Variants in DEUP1 observed in about 807,000 individuals in gnomAD.
The protein encoded by DEUP1 is deuterosome assembly protein 1, also known as coiled-coil domain containing 67.
A neutral mutation model predicts 87.4 loss-of-function variants in DEUP1; 82 were observed. The observed-to-expected ratio is 0.94, with a 90% CI of 0.78 to 1.13. The LOEUF (loss-of-function observed/expected upper bound fraction) is 1.13, where lower values mean the gene tolerates loss of function less well. Among genes scored for constraint, DEUP1 ranks in the 50% most tolerant of loss-of-function variants. The pLI is 0.00. For missense variants in DEUP1, 663 were observed against 681.5 expected (o/e 0.97, Z 0.30); for synonymous variants, 214 against 222.7 (o/e 0.96, Z 0.35).
intron 13 of DEUP1, among the ~76,000 whole-genome samples, chr11:93,416,486 T>G (rs1160737438): frequency 6.6e-6 from 1 of 151,972 alleles, no homozygotes; most frequent in African/African-American, 2.4e-5. Flanking sequence ...CAGGAAGAAG[T>G]TGAATCTCTG....
intron 4 of DEUP1, among the ~76,000 whole-genome samples, chr11:93,363,823 C>A (rs1412209242): frequency 2.0e-5 from 3 of 151,772 alleles, no homozygotes; most frequent in African/African-American, 4.8e-5. Flanking sequence ...CACAAGACGG[C>A]ACTAACTAAA....
At chr11:93,375,926 G>C (rs115661727) in intron 7 of DEUP1, among the ~76,000 whole-genome samples, 7 of 151,938 alleles carry the variant, frequency 4.6e-5, no homozygotes, top group Non-Finnish European at 1.0e-4. Flanking sequence ...GGACTTTTTT[G>C]TTGGCAATTT....
At chr11:93,431,347 C>A (rs1948102052) in intron 13 of DEUP1, among the ~76,000 whole-genome samples, 1 of 151,952 alleles carries the variant, frequency 6.6e-6, no homozygotes, top group Non-Finnish European at 1.5e-5. Flanking sequence ...ACGAGTTTGG[C>A]AGGCATGAGA....
intron 13 of DEUP1, among the ~76,000 whole-genome samples, chr11:93,418,896 G>A (rs1341195148): frequency 3.3e-5 from 5 of 151,392 alleles, no homozygotes; most frequent in African/African-American, 1.2e-4. Context: ...TATGGATGAA[G>A]TTGGAAATCA....
intron 5 of DEUP1, among the ~76,000 whole-genome samples, chr11:93,364,825 A>G (rs553190002): frequency 1.3e-5 from 2 of 152,160 alleles, no homozygotes; most frequent in East Asian, 3.9e-4. Flanking sequence ...ATATATATCT[A>G]CTATGTACCC....
At chr11:93,375,919 C>G (rs1946015227) in intron 7 of DEUP1, among the ~76,000 whole-genome samples, 1 of 152,024 alleles carries the variant, frequency 6.6e-6, no homozygotes, top group African/African-American at 2.4e-5. Flanking sequence ...TGGTCCTGGA[C>G]TTTTTTGTTG....
chr11:93,378,353 T>G (rs1363994398), intron 7 of DEUP1, among the ~76,000 whole-genome samples: 1 of 152,114 alleles, frequency 6.6e-6, no homozygotes, highest in East Asian at 1.9e-4. Context: ...AAGCCTTGTT[T>G]TCAAGCTCTG....
At chr11:93,380,594 G>A (rs1338635991) in intron 7 of DEUP1, among the ~76,000 whole-genome samples, 4 of 151,674 alleles carry the variant, frequency 2.6e-5, no homozygotes, top group Admixed American at 2.0e-4. Context: ...TAGTAGAGAC[G>A]GGGTTTCACC....
At chr11:93,434,460 G>T (rs899397223) in intron 13 of DEUP1, among the ~76,000 whole-genome samples, 16 of 152,174 alleles carry the variant, frequency 1.1e-4, no homozygotes, top group African/African-American at 3.6e-4. Flanking sequence ...GATCATCAGA[G>T]TACCAAACAC....
At chr11:93,388,355 CTTTATT>C (rs1946654913) in intron 8 of DEUP1, among the ~76,000 whole-genome samples, 1 of 152,110 alleles carries the variant, frequency 6.6e-6, no homozygotes, top group Non-Finnish European at 1.5e-5. Context: ...ACCTGGTTAT[CTTTATT>C]TTTGTGTTTT....
intron 2 of DEUP1, among the ~76,000 whole-genome samples, chr11:93,342,064 A>T (rs1046069843): frequency 2.0e-5 from 3 of 152,192 alleles, no homozygotes; most frequent in African/African-American, 4.8e-5. Context: ...TTCTTAACTT[A>T]CGTGAACCTC....
intron 10 of DEUP1, 39 bp downstream of exon 10, chr11:93,394,695 T>C: frequency 1.4e-6 from 2 of 1,455,732 alleles, no homozygotes; most frequent in Non-Finnish European, 1.9e-6. Flanking sequence ...CTAGGGCACA[T>C]TCTTGCTCAG....
intron 7 of DEUP1, among the ~76,000 whole-genome samples, chr11:93,378,881 T>A (rs1412838889): frequency 1.3e-5 from 2 of 152,168 alleles, no homozygotes; most frequent in African/African-American, 4.8e-5. Flanking sequence ...CTCCAGACAC[T>A]GCTATGTCTG....
chr11:93,375,890 A>G (rs1398817134), intron 7 of DEUP1, among the ~76,000 whole-genome samples: 4 of 152,174 alleles, frequency 2.6e-5, no homozygotes, highest in African/African-American at 7.2e-5. Context: ...GTTTGATAGA[A>G]TTTAGCTGTG....
In DEUP1 at chr11:93,416,409, C is replaced by T. The variant is rs568693706; in HGVS notation, c.1638+1295C>T. Among the ~76,000 whole-genome samples the T allele has an allele frequency of 9.2e-5, 14 of 152,292 alleles. No individual in the cohort carries two copies. In the East Asian group the frequency reaches 2.3e-3, roughly 25 times the overall value. ...TCAGAGAATACTACAAACACCTCTA[C>T]GCAAATAAACTAGAAAATCCAGAAA... On this transcript the variant is annotated intron_variant, in intron 13 of 13. Coordinates refer to ENST00000298050, the MANE Select transcript of DEUP1 (RefSeq NM_181645.4).
Position 93,413,582 on chromosome 11 carries a change from A to T in DEUP1, c.1524-1418A>T, listed in dbSNP as rs142221883. ...TTACATCTAAACCTCAGTTTCATGA[A>T]AGATATTTATTTAATCCCAAACAGC... On this transcript the variant is annotated intron_variant, in intron 12 of 13. Coordinates refer to ENST00000298050, the MANE Select transcript of DEUP1 (RefSeq NM_181645.4). 4.7e-3 allele frequency among the ~76,000 whole-genome samples: 709 copies of T among 152,300 alleles called. 4 individuals carry two copies. The highest frequency in any genetic ancestry group is 0.016 in the African/African-American group (683 of 41,566).
intron 2 of DEUP1, among the ~76,000 whole-genome samples, chr11:93,340,083 C>T (rs1364771488): frequency 6.6e-6 from 1 of 152,136 alleles, no homozygotes; most frequent in Non-Finnish European, 1.5e-5. Flanking sequence ...GCGATGGTAT[C>T]AGAGACCTCA....
chr11:93,418,730 C>T (rs756155449), intron 13 of DEUP1, among the ~76,000 whole-genome samples: 89 of 151,882 alleles, frequency 5.9e-4, no homozygotes, highest in Non-Finnish European at 1.1e-3. Flanking sequence ...GACACATGCA[C>T]ACGTATGTTT....
intron 13 of DEUP1, among the ~76,000 whole-genome samples, chr11:93,417,956 G>A (rs1947705923): frequency 6.6e-6 from 1 of 150,784 alleles, no homozygotes; most frequent in African/African-American, 2.4e-5. Flanking sequence ...AATAAATGGT[G>A]CTGGGAAAAC....
Sources: allele counts gnomAD v4.1 joint callset (sites outside exome capture counted in the v4.1 genomes callset), GRCh38; gene constraint gnomAD v4.1.1; transcripts MANE v1.5; gene names NCBI Gene and HGNC (gene_info 2026-07-23, HGNC 2026-07-21).